The following SMPD3 variants were observed in gnomAD, a reference collection of about 807,000 sequenced individuals.
The protein encoded by SMPD3 is sphingomyelin phosphodiesterase 3.
Under a neutral mutation model 55.7 loss-of-function variants are expected in SMPD3, and 21 were observed. The ratio of observed to expected loss-of-function variants is 0.38; its 90% confidence interval spans 0.27 to 0.54. SMPD3 has a LOEUF of 0.54. SMPD3 is among the 20% of genes least tolerant of loss of function. The pLI is 0.80. For synonymous variants in SMPD3, 457 were observed against 404.3 expected (o/e 1.13, Z -1.56); for missense variants, 842 against 899.6 (o/e 0.94, Z 0.82).
intron 1 of SMPD3, among the ~76,000 whole-genome samples, chr16:68,401,520 G>A (rs2090205749): frequency 6.6e-6 from 1 of 152,024 alleles, no homozygotes; most frequent in African/African-American, 2.4e-5. Context: ...TGAAGACAGG[G>A]CCCTGTCTTT....
intron 1 of SMPD3, among the ~76,000 whole-genome samples, chr16:68,424,381 A>G (rs2090419301): frequency 6.6e-6 from 1 of 151,860 alleles, no homozygotes; most frequent in Non-Finnish European, 1.5e-5. Flanking sequence ...ATCAGCAGAG[A>G]CCCTTGTGAC....
At chr16:68,399,997 C>A (rs2090192710) in intron 1 of SMPD3, among the ~76,000 whole-genome samples, 1 of 152,236 alleles carries the variant, frequency 6.6e-6, no homozygotes, top group Non-Finnish European at 1.5e-5. Context: ...AGCAGGGCAG[C>A]TACTATTGTA....
chr16:68,421,850 T>C (rs1182882054), intron 1 of SMPD3, among the ~76,000 whole-genome samples: 1 of 152,232 alleles, frequency 6.6e-6, no homozygotes, highest in African/African-American at 2.4e-5. Flanking sequence ...AAGATGTCCA[T>C]ATCCTAATCT....
At chr16:68,414,628 T>C (rs1391094141) in intron 1 of SMPD3, among the ~76,000 whole-genome samples, 1 of 152,258 alleles carries the variant, frequency 6.6e-6, no homozygotes, top group African/African-American at 2.4e-5. Context: ...ACAGAAGGAA[T>C]GGCATGCACA....
intron 1 of SMPD3, among the ~76,000 whole-genome samples, chr16:68,439,458 A>T (rs2090549760): frequency 6.6e-6 from 1 of 152,224 alleles, no homozygotes; most frequent in African/African-American, 2.4e-5. Flanking sequence ...GCATATTAAC[A>T]CCAGACTATC....
chr16:68,364,225 G>A (rs922107851), intron 5 of SMPD3, among the ~76,000 whole-genome samples: 3 of 152,194 alleles, frequency 2.0e-5, no homozygotes, highest in Admixed American at 6.5e-5. Flanking sequence ...CACTGATGAC[G>A]AGCTTGTAGT....
rs1044614182 is a variant in SMPD3 at position 68,359,273 on chromosome 16, G to A, written c.*1933C>T. On this transcript the variant is annotated 3_prime_UTR_variant, in exon 9 of 9. Transcript: ENST00000219334. Reference sequence around the variant, plus strand: ...TACCAGCTGCTTCTGGAAGTTGGGGGCCTCCACATCATGAATCCCAGTCAA... The same window carrying A: ...TACCAGCTGCTTCTGGAAGTTGGGGACCTCCACATCATGAATCCCAGTCAA... 6.6e-6 allele frequency: 1 copy of A among 152,530 alleles called. No homozygotes were observed. Among genetic ancestry groups the A allele is most frequent in the African/African-American group, 2.4e-5 (1 of 41,454 alleles). The allele number at this position is 152,530 out of a possible 1,614,324, so 9.4% of individuals were successfully genotyped here.
intron 1 of SMPD3, among the ~76,000 whole-genome samples, chr16:68,432,850 G>A (rs1397293524): frequency 6.6e-6 from 1 of 152,096 alleles, no homozygotes; most frequent in South Asian, 2.1e-4. Flanking sequence ...GGTCAGCCAG[G>A]CTGGAGTGCA....
chr16:68,364,703 CAGCCTCCCCAGAGCTGG>C, intron 5 of SMPD3, 31 bp downstream of exon 5: 1 of 1,573,820 alleles, frequency 6.4e-7, no homozygotes, highest in African/African-American at 1.4e-5. Context: ...ACTGAGCCCA[CAGCCTCCCCAGAGCTGG>C]AGACCTGAGT....
At chr16:68,436,666 A>C (rs2090525021) in intron 1 of SMPD3, among the ~76,000 whole-genome samples, 1 of 152,234 alleles carries the variant, frequency 6.6e-6, no homozygotes, top group Admixed American at 6.5e-5. Flanking sequence ...AAATTAATTT[A>C]AAATTATATT....
intron 1 of SMPD3, among the ~76,000 whole-genome samples, chr16:68,408,393 T>C (rs2090269854): frequency 6.6e-6 from 1 of 152,234 alleles, no homozygotes; most frequent in African/African-American, 2.4e-5. Flanking sequence ...CATATGGGTA[T>C]TTAATTATTT....
At chr16:68,419,216 C>G (rs768888881) in intron 1 of SMPD3, among the ~76,000 whole-genome samples, 1 of 152,156 alleles carries the variant, frequency 6.6e-6, no homozygotes, top group South Asian at 2.1e-4. Context: ...GAGGAAGCTG[C>G]CCAGAGCAGC....
intron 7 of SMPD3, 148 bp downstream of exon 7, chr16:68,363,348 C>G (rs2089372160): frequency 3.4e-6 from 3 of 875,050 alleles, no homozygotes; most frequent in Non-Finnish European, 5.5e-6. Flanking sequence ...CTCTCAAAAG[C>G]TCTCAAAGGT....
At chr16:68,422,252 G>C (rs2090400484) in intron 1 of SMPD3, among the ~76,000 whole-genome samples, 1 of 152,182 alleles carries the variant, frequency 6.6e-6, no homozygotes, top group Non-Finnish European at 1.5e-5. Context: ...CCAAACTACA[G>C]CAGAAATCCT....
rs563267019 is a variant in SMPD3, at chr16:68,404,165, C to T, written c.-268-17506G>A. On this transcript the variant is annotated intron_variant, in intron 1 of 8. Coordinates refer to ENST00000219334, the MANE Select transcript of SMPD3 (RefSeq NM_018667.4). This position sits in a 1 kb window ranked among gnomAD's most constrained non-coding sequence, Gnocchi z 4.0. ...CGAGTAGCTGGGACTACTCAGTGCA[C>T]ACCACCACGCCCAGCTAATTTTTTT... Among the ~76,000 whole-genome samples the T allele has an allele frequency of 2.0e-5, 3 of 151,782 alleles. No individual in the cohort carries two copies. Among genetic ancestry groups the T allele is most frequent in the African/African-American group, 4.8e-5 (2 of 41,398 alleles).
chr16:68,443,881 T>C (rs1004461599), intron 1 of SMPD3, among the ~76,000 whole-genome samples: 1 of 152,230 alleles, frequency 6.6e-6, no homozygotes, highest in Non-Finnish European at 1.5e-5. Context: ...AGATCCAGGA[T>C]GGAACCTAAA....
At chr16:68,424,195 G>C (rs890307004) in intron 1 of SMPD3, among the ~76,000 whole-genome samples, 2 of 151,316 alleles carry the variant, frequency 1.3e-5, no homozygotes, top group African/African-American at 4.8e-5. Context: ...CCTCTCTTTG[G>C]CCAGGAGTAC....
At position 68,359,312 on chromosome 16, in the gene SMPD3, GC is replaced by G. The variant is rs2089088156; in HGVS notation, c.*1893del. The G allele has an allele frequency of 6.6e-6, 1 of 152,462 alleles. No individual in the cohort carries two copies. The highest frequency in any genetic ancestry group is 6.5e-5 in the Admixed American group (1 of 15,288). 9.4% of individuals were successfully genotyped at this position (152,462 alleles called of 1,614,324 possible). On this transcript the variant is annotated 3_prime_UTR_variant, in exon 9 of 9. Transcript: ENST00000219334. ...AATCCCAGTCAAGGCTCACAGGCCA[GC>G]CCCTTGGAGGGGTGGGCCGGGCAGA...
At chr16:68,410,367 T>C (rs1398270975) in intron 1 of SMPD3, among the ~76,000 whole-genome samples, 1 of 151,870 alleles carries the variant, frequency 6.6e-6, no homozygotes, top group Non-Finnish European at 1.5e-5. Flanking sequence ...TTGTTGGTGT[T>C]GTCATCTTGG....
Sources: gnomAD v4.1 joint callset for allele counts (sites outside exome capture counted in the v4.1 genomes callset) on GRCh38, gnomAD v4.1.1 for gene constraint, Gnocchi (gnomAD v3.1) non-coding constraint, MANE v1.5 for transcripts, NCBI Gene and HGNC (gene_info 2026-07-23, HGNC 2026-07-21) for gene names.